Variants in MLYCD observed in about 807,000 individuals in gnomAD.
MLYCD encodes the protein malonyl-CoA decarboxylase, mitochondrial.
A neutral mutation model predicts 35.8 loss-of-function variants in MLYCD; 27 were observed. That is an observed-to-expected ratio of 0.75 (90% CI 0.56 to 1.04). The LOEUF is 1.04. MLYCD is among the 50% of genes least tolerant of loss of function. MLYCD has a pLI of 0.00. For missense variants in MLYCD, 917 were observed against 665.1 expected (o/e 1.38, Z -4.17); for synonymous variants, 403 against 302.4 (o/e 1.33, Z -3.45).
In MLYCD at chr16:83,920,082, A is replaced by G. The variant is rs1907601570; in HGVS notation, c.*4593A>G. 6.6e-6 allele frequency: 1 copy of G among 152,140 alleles called. No homozygotes were observed. Among genetic ancestry groups the G allele is most frequent in the Non-Finnish European group, 1.5e-5 (1 of 68,232 alleles). 9.4% of individuals were successfully genotyped at this position (152,140 alleles called of 1,614,324 possible). ...CAGTGCACAGGAGAACAGAGTGCAC[A>G]GAACACAGTCCACAGGACAGCACAC... On this transcript the variant is annotated 3_prime_UTR_variant, in exon 5 of 5. Transcript: ENST00000262430.
rs987380590 is a variant in MLYCD, at chr16:83,915,482, A to G, written c.1475A>G (p.Lys492Arg). The G allele has an allele frequency of 4.3e-6, 7 of 1,611,226 alleles. No individual in the cohort carries two copies. The highest frequency in any genetic ancestry group is 5.9e-6 in the Non-Finnish European group (7 of 1,180,010). The part of the protein sequence containing the change: ...SLVAQFQKNS[K>R]L ...GTGGCCCAGTTTCAAAAGAACAGCA[A>G]GCTCTGACAGTAAACCTCTCCTAAA... The change falls in exon 5 of 5, where the codon AAG becomes AGG. Residue 492 changes from lysine to arginine, a missense_variant. By Grantham distance (26) the Lys-to-Arg change is conservative. Transcript: ENST00000262430.
At chr16:83,909,963 G>C (rs914557920) in intron 3 of MLYCD, among the ~76,000 whole-genome samples, 2 of 152,004 alleles carry the variant, frequency 1.3e-5, no homozygotes, top group African/African-American at 2.4e-5. Flanking sequence ...AGAAAACCGA[G>C]GCTTGAGGGA....
At chr16:83,913,704 C>T (rs1373468077) in intron 4 of MLYCD, 1 of 151,308 alleles carries the variant, frequency 6.6e-6, no homozygotes, top group Non-Finnish European at 1.5e-5. Context: ...GTCCCAGCTA[C>T]TCGGGAGGCC....
chr16:83,900,830 G>A (rs1906759683), intron 1 of MLYCD, among the ~76,000 whole-genome samples: 3 of 152,224 alleles, frequency 2.0e-5, no homozygotes, highest in Middle Eastern at 3.4e-3. Context: ...GTGATAACAC[G>A]TATCCCTTTT....
In MLYCD at chr16:83,921,252, A is replaced by T. The variant is rs975083708; in HGVS notation, c.*5763A>T. The T allele has an allele frequency of 2.1e-5, 3 of 143,266 alleles. No individual in the cohort carries two copies. The highest frequency in any genetic ancestry group is 7.8e-5 in the African/African-American group (3 of 38,482). The allele number at this position is 143,266 out of a possible 1,614,324, so 8.9% of individuals were successfully genotyped here. On this transcript the variant is annotated 3_prime_UTR_variant, in exon 5 of 5. Coordinates refer to ENST00000262430, the MANE Select transcript of MLYCD (RefSeq NM_012213.3). Reference sequence around the variant, plus strand: ...GGATGGAAGGAAGATGGATGAATAGATGGGTGGGTGGGTGGATGTTTGGAT... The same window carrying T: ...GGATGGAAGGAAGATGGATGAATAGTTGGGTGGGTGGGTGGATGTTTGGAT...
chr16:83,915,255 G>A lies in MLYCD; in HGVS notation c.1248G>A (p.Leu416=), dbSNP rs1338366764. Residue 416 remains leucine, a synonymous_variant, in exon 5 of 5, where the codon CTG becomes CTA. Transcript: ENST00000262430. ...GAGAGAAGCACCGCGGCTACGCGCTGAACCCCGTGGCCAACTTCCACCTGC... is the reference window on the plus strand; with the variant it reads ...GAGAGAAGCACCGCGGCTACGCGCTAAACCCCGTGGCCAACTTCCACCTGC... The part of the protein sequence containing the change: ...LYGEKHRGYA[L]NPVANFHLQN... 1 of 1,612,432 alleles carries A rather than the reference G, an allele frequency of 6.2e-7. No individual in the cohort carries two copies. The highest frequency in any genetic ancestry group is 8.5e-7 in the Non-Finnish European group (1 of 1,178,682).
Position 83,899,551 on chromosome 16 carries a change from G to A in MLYCD, c.407G>A (p.Arg136His). Residue 136 changes from arginine to histidine, a missense_variant, in exon 1 of 5, where the codon CGC becomes CAC. Arg to His is a conservative substitution (Grantham distance 29). Coordinates refer to ENST00000262430, the MANE Select transcript of MLYCD (RefSeq NM_012213.3). ...EDRLRYALVPRYRGLFHHISK... is the reference protein window; with the variant it reads ...EDRLRYALVPHYRGLFHHISK... ...CGGCTGCGCTACGCGCTGGTGCCGC[G>A]CTATCGCGGCCTCTTCCACCACATC... 1 of 1,592,606 alleles carries A rather than the reference G, an allele frequency of 6.3e-7. No homozygotes were observed. Among genetic ancestry groups the A allele is most frequent in the Non-Finnish European group, 8.5e-7 (1 of 1,177,510 alleles).
chr16:83,899,620 C>G lies in MLYCD; in HGVS notation c.476C>G (p.Ala159Gly), dbSNP rs1440583341. 2 of 1,570,978 alleles carry G rather than the reference C, an allele frequency of 1.3e-6. No homozygotes were observed. Among genetic ancestry groups the G allele is most frequent in the African/African-American group, 1.4e-5 (1 of 73,772 alleles). ...GTGCGCTTCCTGGTGCAGCTGCGGG[C>G]CGACCTGCTGGAGGCGCAGGCCCTC... ...GGVRFLVQLR[A>G]DLLEAQALKL... The change falls in exon 1 of 5, where the codon GCC (alanine) becomes GGC (glycine). Residue 159 changes from alanine (A) to glycine (G), a missense_variant. Transcript: ENST00000262430.
rs77972348 is a variant in MLYCD at position 83,921,741 on chromosome 16, C to T, written c.*6252C>T. 4 of 152,310 alleles carry T rather than the reference C, an allele frequency of 2.6e-5. No individual in the cohort carries two copies. The highest frequency in any genetic ancestry group is 2.1e-4 in the South Asian group (1 of 4,826). The allele number at this position is 152,310 out of a possible 1,614,324, so 9.4% of individuals were successfully genotyped here. On this transcript the variant is annotated 3_prime_UTR_variant, in exon 5 of 5. Transcript: ENST00000262430. ...GAAAGGCAGGTGGCTTCCAGCTCCT[C>T]GCTTTTCCTGAGGGATGATCTGACC...
In MLYCD at chr16:83,916,999, C is replaced by T. The variant is rs1313758089; in HGVS notation, c.*1510C>T. 1.3e-4 allele frequency: 16 copies of T among 124,522 alleles called. No homozygotes were observed. Among genetic ancestry groups the T allele is most frequent in the Non-Finnish European group, 1.8e-4 (11 of 60,426 alleles). 7.7% of individuals were successfully genotyped at this position (124,522 alleles called of 1,614,324 possible). A position where few individuals can be genotyped will look rare whatever the true frequency, so the allele number is the denominator to read the frequency against. ...CAGTGCACGCCTGTGTGCGTGTGCA[C>T]GAGCGTCTCTGTGTGTCAGTGCACG... On this transcript the variant is annotated 3_prime_UTR_variant, in exon 5 of 5. Transcript: ENST00000262430.
At chr16:83,908,023 T>C in intron 2 of MLYCD, 103 bp from the exon 3 acceptor site, 2 of 1,455,902 alleles carry the variant, frequency 1.4e-6, no homozygotes, top group South Asian at 2.3e-5. Flanking sequence ...TAAAGCTCTA[T>C]TTAAAGAACT....
Position 83,908,090 on chromosome 16 carries a change from T to C in MLYCD, c.642-36T>C, listed in dbSNP as rs765701147. The C allele has an allele frequency of 5.6e-6, 9 of 1,613,510 alleles. No homozygotes were observed. In the East Asian group the frequency reaches 6.7e-5, roughly 12 times the overall value. On this transcript the variant is annotated intron_variant, in intron 2 of 4. Transcript: ENST00000262430. ...GTCAGCAGCCGTTGCTTGTGAATTA[T>C]GCATTTGTCTTGTCTCTTTATAAAT...
chr16:83,900,958 T>G (rs1906763988), intron 1 of MLYCD, among the ~76,000 whole-genome samples: 2 of 152,236 alleles, frequency 1.3e-5, no homozygotes, highest in African/African-American at 4.8e-5. Flanking sequence ...TATCACTGTC[T>G]TACCGTTAAT....
rs758793233 is a variant in MLYCD at position 83,915,307 on chromosome 16, A to G, written c.1300A>G (p.Asn434Asp). 13 of 1,613,664 alleles carry G rather than the reference A, an allele frequency of 8.1e-6. No individual in the cohort carries two copies. In the Admixed American group the frequency reaches 2.2e-4, roughly 27 times the overall value. The change falls in exon 5 of 5, where the codon AAC becomes GAC. Residue 434 changes from asparagine (N) to aspartate (D), a missense_variant. Asn to Asp is a conservative substitution (Grantham distance 23). Transcript: ENST00000262430. ...GAACGGGGCGGTGCTGTGGCGCATCAACTGGATGGCGGATGTGAGCCTCAG... is the reference window on the plus strand; with the variant it reads ...GAACGGGGCGGTGCTGTGGCGCATCGACTGGATGGCGGATGTGAGCCTCAG... ...LQNGAVLWRI[N>D]WMADVSLRGI...
chr16:83,907,065 C>T lies in MLYCD; in HGVS notation c.607C>T (p.His203Tyr). 1.2e-6 allele frequency: 2 copies of T among 1,614,160 alleles called. No homozygotes were observed. Among genetic ancestry groups the T allele is most frequent in the Non-Finnish European group, 1.7e-6 (2 of 1,179,992 alleles). The change falls in exon 2 of 5, where the codon CAT (histidine) becomes TAT (tyrosine). Residue 203 changes from histidine (H) to tyrosine (Y), a missense_variant. His to Tyr is a moderately conservative substitution (Grantham distance 83). Transcript: ENST00000262430. ...CCTGAACCTAGAACGGGTTACCTGG[C>T]ATTCACCGTGTGAAGTGCTTCAGAA... The part of the protein sequence containing the change: ...GFLNLERVTW[H>Y]SPCEVLQKIS...
chr16:83,914,791 A>G, intron 4 of MLYCD, 165 bp from the exon 5 acceptor site: 2 of 1,065,714 alleles, frequency 1.9e-6, no homozygotes, highest in Non-Finnish European at 2.8e-6. Context: ...AGAGGAAAAA[A>G]AGAAAAGCTG....
chr16:83,904,588 T>C (rs1246640804), intron 1 of MLYCD, among the ~76,000 whole-genome samples: 1 of 152,230 alleles, frequency 6.6e-6, no homozygotes, highest in Non-Finnish European at 1.5e-5. Flanking sequence ...AGTGAATGCT[T>C]TGCGAACTAT....
Position 83,924,528 on chromosome 16 carries a change from GGA to G in MLYCD, c.*9043_*9044del, listed in dbSNP as rs1457894515. On this transcript the variant is annotated 3_prime_UTR_variant, in exon 5 of 5. Coordinates refer to ENST00000262430, the MANE Select transcript of MLYCD (RefSeq NM_012213.3). ...ATCTGTCTCCATCGCCTGGCACATAGGAGAGGCTTGGCAAATATTTTTGGTTC... is the reference window on the plus strand; with the variant it reads ...ATCTGTCTCCATCGCCTGGCACATAGGAGGCTTGGCAAATATTTTTGGTTC... 1 of 152,212 alleles carries G rather than the reference GGA, an allele frequency of 6.6e-6. No individual in the cohort carries two copies. The highest frequency in any genetic ancestry group is 2.4e-5 in the African/African-American group (1 of 41,446). The allele number at this position is 152,212 out of a possible 1,614,324, so 9.4% of individuals were successfully genotyped here. A position where few individuals can be genotyped will look rare whatever the true frequency, so the allele number is the denominator to read the frequency against.
chr16:83,900,633 C>A (rs907648812), intron 1 of MLYCD, among the ~76,000 whole-genome samples: 1 of 148,380 alleles, frequency 6.7e-6, no homozygotes. Context: ...ACCATGTGGC[C>A]CAGGCTTAAC....
Sources: gnomAD v4.1 joint callset for allele counts (sites outside exome capture counted in the v4.1 genomes callset) on GRCh38, gnomAD v4.1.1 for gene constraint, MANE v1.5 for transcripts, NCBI Gene and HGNC (gene_info 2026-07-23, HGNC 2026-07-21) for gene names.